The following THEMIS variants were observed in gnomAD, a reference collection of about 807,000 sequenced individuals.
The protein encoded by THEMIS is protein THEMIS.
In THEMIS, 37 loss-of-function variants were observed where a neutral mutation model predicts 52.6. That is an observed-to-expected ratio of 0.70 (90% CI 0.54 to 0.93). The LOEUF is 0.93. Ranked by LOEUF, THEMIS falls within the 40% of genes least tolerant of loss-of-function variation. THEMIS has a pLI of 0.00. For synonymous variants in THEMIS, 292 were observed against 272.7 expected (o/e 1.07, Z -0.70); for missense variants, 808 against 763.1 (o/e 1.06, Z -0.69).
chr6:127,849,798 T>C (rs930923084), intron 2 of THEMIS, among the ~76,000 whole-genome samples: 3 of 151,854 alleles, frequency 2.0e-5, no homozygotes, highest in African/African-American at 7.2e-5. Context: ...TTTTGGAAGA[T>C]AACATCAGAA....
At chr6:127,795,496 T>C (rs1777299206) in intron 4 of THEMIS, among the ~76,000 whole-genome samples, 1 of 152,010 alleles carries the variant, frequency 6.6e-6, no homozygotes, top group African/African-American at 2.4e-5. Flanking sequence ...ACCCGGCTAA[T>C]TTTTTGTATT....
At position 127,865,241 on chromosome 6, in the gene THEMIS, T is replaced by C. The variant is rs545886422; in HGVS notation, c.92-10053A>G. On this transcript the variant is annotated intron_variant, in intron 1 of 5. Transcript: ENST00000368248. The stretch of plus-strand genomic sequence containing the variant: ...AACAGACATCCACCAAAAATCACCT[T>C]GTTAGCATGAGCTATCCATGCTAAC... Among the ~76,000 whole-genome samples the C allele has an allele frequency of 8.5e-5, 13 of 152,248 alleles. 1 individual carries two copies. The East Asian group carries it at 2.5e-3, about 29-fold the overall frequency.
Position 127,907,337 on chromosome 6 carries a change from A to ATTTTTTTTTTTTTTTTTTTTTTTT in THEMIS, c.-149-6280_-149-6257dup, listed in dbSNP as rs58472332. ...AATACCATTAGGGCATTAGGCTCGG[A>ATTTTTTTTTTTTTTTTTTTTTTTT]TTTTTTTTTTTTTTTTTTTTTTTTT... On this transcript the variant is annotated intron_variant, in intron 1 of 6. Coordinates refer to the THEMIS transcript ENST00000368250. Among the ~76,000 whole-genome samples, 14 of 49,458 alleles carry ATTTTTTTTTTTTTTTTTTTTTTTT rather than the reference A, an allele frequency of 2.8e-4. 3 individuals carry two copies. The highest frequency in any genetic ancestry group is 5.7e-4 in the Admixed American group (2 of 3,518). The allele number at this position is 49,458 out of a possible 152,430, so 32.4% of individuals were successfully genotyped here. A position where few individuals can be genotyped will look rare whatever the true frequency, so the allele number is the denominator to read the frequency against.
intron 5 of THEMIS, among the ~76,000 whole-genome samples, chr6:127,711,619 A>T (rs1194518927): frequency 6.6e-6 from 1 of 151,956 alleles, no homozygotes; most frequent in Non-Finnish European, 1.5e-5. Flanking sequence ...GATCTTTCTT[A>T]TATGACAAAC....
chr6:127,813,947 A>T lies in THEMIS; in HGVS notation c.710-16T>A, dbSNP rs1181118637. 2.6e-6 allele frequency: 4 copies of T among 1,516,990 alleles called. No homozygotes were observed. In the African/African-American group the frequency reaches 4.2e-5, roughly 16 times the overall value. 94.0% of individuals were successfully genotyped at this position (1,516,990 alleles called of 1,614,324 possible). On this transcript the variant is annotated splice_polypyrimidine_tract_variant and intron_variant, in intron 3 of 5. Transcript: ENST00000368248. Reference sequence around the variant, plus strand: ...TCTTTTCGAACTAAAAAGAAAAAATAAATCACTATGATATTTTTGTACTTC... The same window carrying T: ...TCTTTTCGAACTAAAAAGAAAAAATTAATCACTATGATATTTTTGTACTTC...
At chr6:127,850,782 A>G (rs1234748479) in intron 2 of THEMIS, among the ~76,000 whole-genome samples, 1 of 151,728 alleles carries the variant, frequency 6.6e-6, no homozygotes, top group Non-Finnish European at 1.5e-5. Context: ...TATTGGGTAG[A>G]GTGTTCACTG....
intron 2 of THEMIS, among the ~76,000 whole-genome samples, chr6:127,846,211 A>G (rs1779209380): frequency 6.6e-6 from 1 of 151,968 alleles, no homozygotes; most frequent in Admixed American, 6.6e-5. Flanking sequence ...CACTAAACAA[A>G]CAACTACCAA....
chr6:127,906,909 C>T (rs1278593661), intron 1 of THEMIS, among the ~76,000 whole-genome samples: 1 of 151,546 alleles, frequency 6.6e-6, no homozygotes, highest in African/African-American at 2.4e-5. Flanking sequence ...TTCTCTATAG[C>T]TGCTTTCCTA....
At chr6:127,778,500 T>C (rs1177036747) in intron 4 of THEMIS, among the ~76,000 whole-genome samples, 1 of 152,146 alleles carries the variant, frequency 6.6e-6, no homozygotes, top group African/African-American at 2.4e-5. Flanking sequence ...CTTACCCATT[T>C]ACATTTAATG....
At chr6:127,730,326 G>GAAAAGAAAAGAAAAGAAAAGAAAAA (rs1562219924) in intron 4 of THEMIS, among the ~76,000 whole-genome samples, 1 of 128,638 alleles carries the variant, frequency 7.8e-6, no homozygotes, top group African/African-American at 2.9e-5. Flanking sequence ...GAGAAAAAAA[G>GAAAAGAAAAGAAAAGAAAAGAAAAA]AAAAGAAAAG....
At chr6:127,757,158 G>C (rs1295461390) in intron 4 of THEMIS, among the ~76,000 whole-genome samples, 1 of 152,066 alleles carries the variant, frequency 6.6e-6, no homozygotes, top group Non-Finnish European at 1.5e-5. Flanking sequence ...TTTAATTTTA[G>C]CTAATTTAAA....
intron 3 of THEMIS, among the ~76,000 whole-genome samples, chr6:127,821,576 G>T (rs1304310724): frequency 6.6e-6 from 1 of 151,504 alleles, no homozygotes. Context: ...AGAGTAACAG[G>T]TTACTTCTTT....
At position 127,875,869 on chromosome 6, in the gene THEMIS, G is replaced by A. The variant is rs76837863; in HGVS notation, c.92-20681C>T. ...CGATGAAGTTAGCAACAAACAAATCGAAGTATAATCCTCTACATAGTTGAC... is the reference window on the plus strand; with the variant it reads ...CGATGAAGTTAGCAACAAACAAATCAAAGTATAATCCTCTACATAGTTGAC... On this transcript the variant is annotated intron_variant, in intron 1 of 5. Transcript: ENST00000368248. 2.6e-4 allele frequency among the ~76,000 whole-genome samples: 39 copies of A among 152,212 alleles called. No homozygotes were observed. In the East Asian group the frequency reaches 5.0e-3, roughly 20 times the overall value.
At chr6:127,884,031 T>C (rs117844093) in intron 1 of THEMIS, among the ~76,000 whole-genome samples, 3,497 of 152,292 alleles carry the variant, frequency 0.023, 55 homozygotes, top group Middle Eastern at 0.037. Flanking sequence ...TAATCATTAA[T>C]ACCCTACTAC....
chr6:127,719,018 G>C (rs1034281350), intron 5 of THEMIS, among the ~76,000 whole-genome samples: 49 of 152,024 alleles, frequency 3.2e-4, no homozygotes, highest in African/African-American at 1.0e-3. Context: ...AATAATTACA[G>C]TTTCAATTTT....
At chr6:127,727,055 G>T (rs1317296010) in intron 4 of THEMIS, among the ~76,000 whole-genome samples, 1 of 152,150 alleles carries the variant, frequency 6.6e-6, no homozygotes, top group Non-Finnish European at 1.5e-5. Flanking sequence ...AAAATAATTT[G>T]CGATTTTAGA....
At chr6:127,907,045 G>A (rs1781288897) in intron 1 of THEMIS, among the ~76,000 whole-genome samples, 1 of 151,702 alleles carries the variant, frequency 6.6e-6, no homozygotes, top group South Asian at 2.1e-4. Flanking sequence ...ATATTTCTTT[G>A]AGTAAAGAAT....
In THEMIS at chr6:127,811,819, T is replaced by C. The variant is rs532617317; in HGVS notation, c.1758+1064A>G. 2.4e-4 allele frequency among the ~76,000 whole-genome samples: 36 copies of C among 152,332 alleles called. No homozygotes were observed. In the East Asian group the frequency reaches 6.6e-3, roughly 28 times the overall value. ...ACATTATTTGGAAATCATTGTATTA[T>C]ATCAAATGACTCTTTCAAAACTGTT... is the stretch of plus-strand genomic sequence containing the variant. On this transcript the variant is annotated intron_variant, in intron 4 of 5. Transcript: ENST00000368248.
chr6:127,834,577 C>T (rs1357545059), intron 2 of THEMIS, among the ~76,000 whole-genome samples: 5 of 151,858 alleles, frequency 3.3e-5, no homozygotes, highest in African/African-American at 7.3e-5. Context: ...GAGTGAGACT[C>T]CATCACAAAA....
Sources: allele counts gnomAD v4.1 joint callset (sites outside exome capture counted in the v4.1 genomes callset), GRCh38; gene constraint gnomAD v4.1.1; transcripts MANE v1.5; gene names NCBI Gene and HGNC (gene_info 2026-07-23, HGNC 2026-07-21).